The following PARP3 variants were observed in gnomAD, a reference collection of about 807,000 sequenced individuals.
PARP3 encodes the protein protein mono-ADP-ribosyltransferase PARP3.
In PARP3, 46 loss-of-function variants were observed where a neutral mutation model predicts 58.2. The ratio of observed to expected loss-of-function variants is 0.79; its 90% CI spans 0.62 to 1.01. The LOEUF (loss-of-function observed/expected upper bound fraction) is 1.01. Among genes scored for constraint, PARP3 ranks in the 50% least tolerant of loss-of-function variants. The probability of loss-of-function intolerance (pLI) is 0.00; values close to 1 mark genes in which losing one functional copy is unlikely to be tolerated. For synonymous variants in PARP3, 252 were observed against 266.4 expected (o/e 0.95, Z 0.53); for missense variants, 663 against 683.9 (o/e 0.97, Z 0.34).
Position 51,942,644 on chromosome 3 carries a change from T to C in PARP3, c.-67T>C, listed in dbSNP as rs1337211032. On this transcript the variant is annotated 5_prime_UTR_variant, in exon 1 of 11. Coordinates refer to ENST00000398755, the MANE Select transcript of PARP3 (RefSeq NM_001003931.4). ...AGAGTTGCTAGACCTGGGACTGCCC[T>C]GGGAGGCGCACACAACCAGGCCGGG... The C allele has an allele frequency of 8.0e-6, 9 of 1,118,954 alleles. No homozygotes were observed. Among genetic ancestry groups the C allele is most frequent in the Admixed American group, 3.9e-5 (2 of 51,408 alleles). 69.3% of individuals were successfully genotyped at this position (1,118,954 alleles called of 1,614,324 possible). A position where few individuals can be genotyped will look rare whatever the true frequency, so the allele number is the denominator to read the frequency against.
chr3:51,945,976 T>C, intron 8 of PARP3, 37 bp downstream of exon 8: 3 of 1,557,110 alleles, frequency 1.9e-6, no homozygotes, highest in Middle Eastern at 1.7e-4. Flanking sequence ...CCATCACCAC[T>C]GTGCCTTAGG....
chr3:51,944,702 C>T lies in PARP3; in HGVS notation c.502-76C>T. 6.4e-7 allele frequency: 1 copy of T among 1,573,334 alleles called. No individual in the cohort carries two copies. On this transcript the variant is annotated intron_variant, in intron 4 of 10. Transcript: ENST00000398755. This position sits in a 1 kb window ranked among gnomAD's most constrained non-coding sequence, Gnocchi z 4.2. ...CCTCAGCCACAGAACTCCCCTCTGGCCTCAGGCTGGCTGGTCTCTGTCTGG... is the reference window on the plus strand; with the variant it reads ...CCTCAGCCACAGAACTCCCCTCTGGTCTCAGGCTGGCTGGTCTCTGTCTGG...
Position 51,945,834 on chromosome 3 carries a change from G to C in PARP3, c.1012-19G>C. On this transcript the variant is annotated intron_variant, in intron 7 of 10. Coordinates refer to ENST00000398755, the MANE Select transcript of PARP3 (RefSeq NM_001003931.4). ...CCTGAGCCTCCCACCCTGGCAACCAGCTTCTGCTCTCCCCACAGGTGATAC... is the reference window on the plus strand; with the variant it reads ...CCTGAGCCTCCCACCCTGGCAACCACCTTCTGCTCTCCCCACAGGTGATAC... 1 of 1,610,402 alleles carries C rather than the reference G, an allele frequency of 6.2e-7. No homozygotes were observed. Among genetic ancestry groups the C allele is most frequent in the African/African-American group, 1.3e-5 (1 of 74,970 alleles).
chr3:51,947,383 C>T (rs1166361450), intron 9 of PARP3, among the ~76,000 whole-genome samples: 7 of 151,878 alleles, frequency 4.6e-5, no homozygotes, highest in Non-Finnish European at 4.4e-5. Flanking sequence ...GAAAGAGTGG[C>T]GGGGTGGAGG....
chr3:51,948,227 T>G, intron 10 of PARP3, 84 bp from the exon 11 acceptor site: 1 of 1,347,320 alleles, frequency 7.4e-7, no homozygotes. Flanking sequence ...GTGACAGACA[T>G]GGAGAGCATA....
Position 51,942,723 on chromosome 3 carries a change from G to C in PARP3, c.-3+15G>C. 2 of 1,556,608 alleles carry C rather than the reference G, an allele frequency of 1.3e-6. No individual in the cohort carries two copies. The highest frequency in any genetic ancestry group is 1.7e-6 in the Non-Finnish European group (2 of 1,149,442). On this transcript the variant is annotated intron_variant, in intron 1 of 10. Transcript: ENST00000398755. ...GCTTTTCTTGGGTGAGTGTCCTATG[G>C]TCCTGCCCACGGCAGGGCAGGGCAA...
chr3:51,943,051 G>A (rs1431036659), intron 1 of PARP3: 6 of 1,393,396 alleles, frequency 4.3e-6, no homozygotes, highest in Admixed American at 3.2e-5. Flanking sequence ...ACACAGGTGA[G>A]CTGCAGAGGG....
chr3:51,943,533 A>C lies in PARP3; in HGVS notation c.178A>C (p.Thr60Pro). ...ATGTCCACTCAGCAGCAACCCCGGG[A>C]CCCAGGTGAGCTGCAGTCCCCAGTC... ...PTCPLSSNPG[T>P]QVYEDYNCTL... is the part of the protein sequence containing the mutation. Residue 60 changes from threonine to proline, a missense_variant, in exon 2 of 11, where the codon ACC becomes CCC. Transcript: ENST00000398755. 6.2e-7 allele frequency: 1 copy of C among 1,608,472 alleles called. No homozygotes were observed. Among genetic ancestry groups the C allele is most frequent in the Non-Finnish European group, 8.5e-7 (1 of 1,177,974 alleles).
chr3:51,944,049 G>T lies in PARP3; in HGVS notation c.184-40G>T. 1 of 1,599,954 alleles carries T rather than the reference G, an allele frequency of 6.3e-7. No individual in the cohort carries two copies. On this transcript the variant is annotated intron_variant, in intron 2 of 10. Transcript: ENST00000398755. The surrounding 1 kb of genome is among the most constrained non-coding windows in gnomAD (Gnocchi z 4.2). ...CGGTGTACGGCCAGGCACCCCATCT[G>T]ACCCCAGCCAGCCTGCCCCCCACCT...
intron 10 of PARP3, 76 bp downstream of exon 10, chr3:51,947,971 G>T: frequency 7.2e-7 from 1 of 1,393,186 alleles, no homozygotes; most frequent in South Asian, 1.2e-5. Context: ...TCAGGGAGGG[G>T]GCTGTGAAGA....
At chr3:51,947,957 A>AGAG in intron 10 of PARP3, 62 bp downstream of exon 10, 1 of 1,522,084 alleles carries the variant, frequency 6.6e-7, no homozygotes, top group South Asian at 1.2e-5. Flanking sequence ...GGGCTGGGAC[A>AGAG]TTTTCAGGGA....
Position 51,946,719 on chromosome 3 carries a change from C to T in PARP3, c.1276+376C>T, listed in dbSNP as rs928424489. Among the ~76,000 whole-genome samples the T allele has an allele frequency of 1.3e-5, 2 of 152,170 alleles. No individual in the cohort carries two copies. The highest frequency in any genetic ancestry group is 4.8e-5 in the African/African-American group (2 of 41,442). ...GGCTGCCATGAGCTATGATCACACT[C>T]CAGCCTGTGTGACAGAGCCAGACTC... On this transcript the variant is annotated intron_variant, in intron 9 of 10. Coordinates refer to ENST00000398755, the MANE Select transcript of PARP3 (RefSeq NM_001003931.4). This position sits in a 1 kb window ranked among gnomAD's most constrained non-coding sequence, Gnocchi z 4.6.
intron 6 of PARP3, 119 bp downstream of exon 6, chr3:51,945,343 C>A: frequency 7.3e-7 from 1 of 1,367,954 alleles, no homozygotes; most frequent in Non-Finnish European, 1.0e-6. Flanking sequence ...GGCAGGCTGA[C>A]AGACGGGTGG....
rs749305497 is a variant in PARP3 at position 51,944,967 on chromosome 3, G to A, written c.635-31G>A. 2 of 1,613,064 alleles carry A rather than the reference G, an allele frequency of 1.2e-6. No homozygotes were observed. The highest frequency in any genetic ancestry group is 2.2e-5 in the East Asian group (1 of 44,874). ...GGCCTCAGGGTGGCAGGGCTGTGGG[G>A]CTGAGTCTCCCCACTCCCCTGTCCC... On this transcript the variant is annotated intron_variant, in intron 5 of 10. Transcript: ENST00000398755. This position sits in a 1 kb window ranked among gnomAD's most constrained non-coding sequence, Gnocchi z 4.2.
chr3:51,944,744 G>T lies in PARP3; in HGVS notation c.502-34G>T. On this transcript the variant is annotated intron_variant, in intron 4 of 10. Transcript: ENST00000398755. The surrounding 1 kb of genome is among the most constrained non-coding windows in gnomAD (Gnocchi z 4.2). ...TCTGTCTGGTGTCACGCCCTGCCCC[G>T]CTGCTCCTGCCCACATGTGCCCTCT... The T allele has an allele frequency of 6.3e-7, 1 of 1,589,292 alleles. No individual in the cohort carries two copies. Among genetic ancestry groups the T allele is most frequent in the Non-Finnish European group, 8.6e-7 (1 of 1,167,192 alleles).
At position 51,944,924 on chromosome 3, in the gene PARP3, G is replaced by A; in HGVS notation, c.634+14G>A. The A allele has an allele frequency of 1.9e-6, 3 of 1,613,688 alleles. No homozygotes were observed. The highest frequency in any genetic ancestry group is 2.5e-6 in the Non-Finnish European group (3 of 1,179,926). ...TCATGGACCTGGGTGAGGGGTGAGA[G>A]GCAGGCAGGGTGGCAGGGGCCTCAG... is the stretch of plus-strand genomic sequence containing the variant. On this transcript the variant is annotated intron_variant, in intron 5 of 10. Transcript: ENST00000398755. This position sits in a 1 kb window ranked among gnomAD's most constrained non-coding sequence, Gnocchi z 4.2.
intron 1 of PARP3, chr3:51,943,102 T>C: frequency 8.2e-7 from 1 of 1,219,594 alleles, no homozygotes; most frequent in East Asian, 2.7e-5. Context: ...GTGGGCAGAC[T>C]GGACAGAGTC....
chr3:51,945,953 C>T lies in PARP3; in HGVS notation c.1098+14C>T, dbSNP rs770922198. ...CAAGAAGGGGAGGTGAGGGAGGTTC[C>T]CCCACCTCTCCCCCATCACCACTGT... On this transcript the variant is annotated intron_variant, in intron 8 of 10. Transcript: ENST00000398755. 1.3e-6 allele frequency: 2 copies of T among 1,598,404 alleles called. No homozygotes were observed. Among genetic ancestry groups the T allele is most frequent in the South Asian group, 1.1e-5 (1 of 90,684 alleles).
chr3:51,942,946 G>A (rs1002292665), intron 1 of PARP3: 6 of 1,411,372 alleles, frequency 4.3e-6, no homozygotes, highest in Non-Finnish European at 5.5e-6. Flanking sequence ...GACTCGGCCC[G>A]GCAACCATGC....
Sources: allele counts gnomAD v4.1 joint callset (sites outside exome capture counted in the v4.1 genomes callset), GRCh38; gene constraint gnomAD v4.1.1; non-coding constraint Gnocchi (gnomAD v3.1); transcripts MANE v1.5; gene names NCBI Gene and HGNC (gene_info 2026-07-23, HGNC 2026-07-21).